SERGEF: variants seen among roughly 807,000 people sequenced by gnomAD.
SERGEF encodes the protein secretion-regulating guanine nucleotide exchange factor.
A neutral mutation model predicts 50.0 loss-of-function variants in SERGEF; 51 were observed. The observed-to-expected ratio is 1.02, with a 90% CI of 0.81 to 1.29. The LOEUF (loss-of-function observed/expected upper bound fraction) is 1.29. Among genes scored for constraint, SERGEF ranks in the 50% most tolerant of loss-of-function variants. The probability of loss-of-function intolerance (pLI) is 0.00; values close to 1 mark genes in which losing one functional copy is unlikely to be tolerated. For missense variants in SERGEF, 521 were observed against 557.0 expected (o/e 0.94, Z 0.65); for synonymous variants, 205 against 212.4 (o/e 0.97, Z 0.30).
intron 10 of SERGEF, among the ~76,000 whole-genome samples, chr11:17,861,058 T>C (rs1424048060): frequency 6.6e-6 from 1 of 152,194 alleles, no homozygotes; most frequent in Non-Finnish European, 1.5e-5. Context: ...TCTCACTTCA[T>C]CCACAAGGCT....
intron 9 of SERGEF, among the ~76,000 whole-genome samples, chr11:17,929,371 T>A (rs529897209): frequency 6.6e-6 from 1 of 152,244 alleles, no homozygotes; most frequent in Non-Finnish European, 1.5e-5. Flanking sequence ...GTTTTTGCTC[T>A]CTTTGAGACA....
At chr11:17,997,827 T>C (rs1853869687) in intron 5 of SERGEF, among the ~76,000 whole-genome samples, 1 of 152,136 alleles carries the variant, frequency 6.6e-6, no homozygotes, top group South Asian at 2.1e-4. Flanking sequence ...CTTACAGTAG[T>C]CAAAAGTATA....
intron 9 of SERGEF, among the ~76,000 whole-genome samples, chr11:17,912,678 G>A (rs1245861367): frequency 1.3e-5 from 2 of 152,160 alleles, no homozygotes; most frequent in Admixed American, 1.3e-4. Flanking sequence ...GCTGACAAAA[G>A]TGAGAGGCAT....
At chr11:17,919,922 G>A (rs1468922450) in intron 9 of SERGEF, among the ~76,000 whole-genome samples, 6 of 150,708 alleles carry the variant, frequency 4.0e-5, no homozygotes, top group East Asian at 2.0e-4. Context: ...CTCCAGCCTG[G>A]GCAACAAGAG....
intron 9 of SERGEF, among the ~76,000 whole-genome samples, chr11:17,917,023 C>T (rs1021614517): frequency 6.6e-6 from 1 of 152,162 alleles, no homozygotes; most frequent in Admixed American, 6.5e-5. Context: ...CCTTAAAGAA[C>T]TAAAAGTAGA....
At chr11:17,972,653 C>T (rs1853274227) in intron 8 of SERGEF, among the ~76,000 whole-genome samples, 1 of 152,154 alleles carries the variant, frequency 6.6e-6, no homozygotes, top group East Asian at 1.9e-4. Flanking sequence ...TGGATATTTG[C>T]TTTATTGCTG....
chr11:17,815,417 C>T (rs1230571021), intron 10 of SERGEF, among the ~76,000 whole-genome samples: 1 of 129,054 alleles, frequency 7.7e-6, no homozygotes, highest in Non-Finnish European at 1.6e-5. Context: ...TGGTAAACAT[C>T]GTGAAACCCC....
intron 10 of SERGEF, among the ~76,000 whole-genome samples, chr11:17,834,886 C>T (rs12281741): frequency 0.044 from 6,731 of 152,198 alleles, 245 homozygotes; most frequent in African/African-American, 0.096. Flanking sequence ...CGGTTCCCCT[C>T]GGCCTGGTTC....
intron 8 of SERGEF, among the ~76,000 whole-genome samples, chr11:17,962,073 T>C (rs1338089319): frequency 6.6e-6 from 1 of 152,224 alleles, no homozygotes; most frequent in Admixed American, 6.5e-5. Context: ...AATCAAGATT[T>C]AAACCTGTGT....
In SERGEF at chr11:17,878,246, T is replaced by C; in HGVS notation, c.1012-2A>G. The C allele has an allele frequency of 6.5e-7, 1 of 1,540,762 alleles. No homozygotes were observed. The highest frequency in any genetic ancestry group is 8.8e-7 in the Non-Finnish European group (1 of 1,134,542). On this transcript the variant is annotated splice_acceptor_variant, in intron 9 of 10. Coordinates refer to ENST00000265965, the MANE Select transcript of SERGEF (RefSeq NM_012139.4). LOFTEE classifies it high-confidence loss of function. ...ATTATGCTCTGAGCCACAAGAGACC[T>C]GTAAAAAAAAAAAAAGACAAAGAAA...
At chr11:17,970,995 C>A (rs1479097083) in intron 8 of SERGEF, among the ~76,000 whole-genome samples, 1 of 152,016 alleles carries the variant, frequency 6.6e-6, no homozygotes, top group Non-Finnish European at 1.5e-5. Flanking sequence ...GAGATCAAGA[C>A]CATCCTGGCT....
chr11:17,791,375 T>C (rs1159858071), intron 10 of SERGEF, among the ~76,000 whole-genome samples: 1 of 152,226 alleles, frequency 6.6e-6, no homozygotes, highest in Admixed American at 6.5e-5. Context: ...GAAAGGCTAC[T>C]TGCATATAAC....
chr11:17,898,495 G>A (rs1420651853), intron 9 of SERGEF, among the ~76,000 whole-genome samples: 2 of 152,182 alleles, frequency 1.3e-5, no homozygotes, highest in African/African-American at 4.8e-5. Context: ...CCTAAGAGTT[G>A]AATTCAGTTA....
chr11:17,892,928 T>A (rs986385601), intron 9 of SERGEF, among the ~76,000 whole-genome samples: 1 of 152,234 alleles, frequency 6.6e-6, no homozygotes, highest in Non-Finnish European at 1.5e-5. Context: ...GCTTGGACAA[T>A]GTTCATGTTT....
chr11:17,809,679 G>A (rs905845666), intron 10 of SERGEF, among the ~76,000 whole-genome samples: 1 of 152,232 alleles, frequency 6.6e-6, no homozygotes, highest in African/African-American at 2.4e-5. Context: ...AGGGCAGGAC[G>A]GAGAGAAAGC....
intron 8 of SERGEF, among the ~76,000 whole-genome samples, chr11:17,962,776 C>G (rs1187727748): frequency 6.6e-6 from 1 of 152,102 alleles, no homozygotes; most frequent in Non-Finnish European, 1.5e-5. Context: ...ATTGTCCTGG[C>G]AGGCTTGAGG....
chr11:17,940,559 C>G (rs1304084416), intron 9 of SERGEF, among the ~76,000 whole-genome samples: 4 of 152,152 alleles, frequency 2.6e-5, no homozygotes, highest in Non-Finnish European at 5.9e-5. Flanking sequence ...CCACACACAA[C>G]CATTTCTTTG....
intron 9 of SERGEF, among the ~76,000 whole-genome samples, chr11:17,947,226 C>T (rs1355428799): frequency 6.6e-6 from 1 of 152,162 alleles, no homozygotes; most frequent in East Asian, 1.9e-4. Flanking sequence ...GGTGCCTATC[C>T]TCAAGTAGCT....
At chr11:17,871,393 G>A (rs112943988) in intron 10 of SERGEF, among the ~76,000 whole-genome samples, 1,537 of 151,318 alleles carry the variant, frequency 0.01, 26 homozygotes, top group African/African-American at 0.032. Flanking sequence ...CCCAGGAGGC[G>A]GAGCTTGCAG....
Sources: allele counts gnomAD v4.1 joint callset (sites outside exome capture counted in the v4.1 genomes callset), GRCh38; gene constraint gnomAD v4.1.1; transcripts MANE v1.5; gene names NCBI Gene and HGNC (gene_info 2026-07-23, HGNC 2026-07-21).